MTA3: variants seen among roughly 807,000 people sequenced by gnomAD.
MTA3 encodes metastasis-associated protein MTA3.
In MTA3, 34 loss-of-function variants were observed where a neutral mutation model predicts 83.5. The ratio of observed to expected loss-of-function variants is 0.41; its 90% confidence interval spans 0.31 to 0.54. The LOEUF is 0.54. Among genes scored for constraint, MTA3 ranks in the 20% least tolerant of loss-of-function variants. MTA3 has a pLI of 0.33. For synonymous variants in MTA3, 303 were observed against 252.7 expected (o/e 1.20, Z -1.89); for missense variants, 761 against 726.4 (o/e 1.05, Z -0.55).
At position 42,721,778 on chromosome 2, in the gene MTA3, G is replaced by C. The variant is rs760404333; in HGVS notation, c.1613-1111G>C. On this transcript the variant is annotated intron_variant, in intron 15 of 16. Transcript: ENST00000405094. ...CCTCATAAGGCCAAGACAACCAGATGAACAAAGGCTTCAGTGAGTCCAAGG... is the reference window on the plus strand; with the variant it reads ...CCTCATAAGGCCAAGACAACCAGATCAACAAAGGCTTCAGTGAGTCCAAGG... Among the ~76,000 whole-genome samples, 39 of 152,320 alleles carry C rather than the reference G, an allele frequency of 2.6e-4. No homozygotes were observed. The Middle Eastern group carries it at 0.027, about 106-fold the overall frequency.
chr2:42,580,959 G>T (rs1438077916), intron 3 of MTA3, among the ~76,000 whole-genome samples: 1 of 152,130 alleles, frequency 6.6e-6, no homozygotes, highest in Non-Finnish European at 1.5e-5. Flanking sequence ...TCTGGTATGG[G>T]TGTAAGGAAG....
intron 2 of MTA3, among the ~76,000 whole-genome samples, chr2:42,550,150 G>T (rs535981208): frequency 6.6e-6 from 1 of 152,196 alleles, no homozygotes; most frequent in Admixed American, 6.6e-5. Context: ...AGGTTGCTAA[G>T]ATCTACCATA....
intron 3 of MTA3, among the ~76,000 whole-genome samples, chr2:42,579,434 T>A (rs1027407966): frequency 7.4e-5 from 11 of 149,168 alleles, no homozygotes; most frequent in South Asian, 2.1e-4. Flanking sequence ...TATATATTTT[T>A]TTTTTTTTCC....
At chr2:42,706,900 T>C (rs920252057) in intron 12 of MTA3, among the ~76,000 whole-genome samples, 3 of 152,214 alleles carry the variant, frequency 2.0e-5, no homozygotes, top group Non-Finnish European at 1.5e-5. Flanking sequence ...ATTTTACTTA[T>C]TGATTAAAAT....
At chr2:42,656,328 G>C (rs745883561) in intron 7 of MTA3, 26 bp downstream of exon 7, 10 of 1,454,282 alleles carry the variant, frequency 6.9e-6, no homozygotes, top group Non-Finnish European at 9.5e-6. Flanking sequence ...GCATTATTGA[G>C]TCAATAAATT....
intron 2 of MTA3, among the ~76,000 whole-genome samples, chr2:42,548,816 T>TATATATA (rs1676887127): frequency 2.8e-5 from 1 of 35,156 alleles, no homozygotes; most frequent in Non-Finnish European, 4.8e-5. Context: ...AAAAAATATA[T>TATATATA]ATATATATAT....
At chr2:42,691,223 G>A (rs1443391601) in intron 9 of MTA3, among the ~76,000 whole-genome samples, 1 of 151,834 alleles carries the variant, frequency 6.6e-6, no homozygotes, top group Non-Finnish European at 1.5e-5. Context: ...TGTTGGCCAG[G>A]ATGGGCTCAA....
chr2:42,590,634 T>TTTTTTTTTTTTTTTTTG lies in MTA3; in HGVS notation c.190+11434_190+11435insTTTTTTTTTTTTTTTTG, dbSNP rs1553351759. 1.2e-4 allele frequency among the ~76,000 whole-genome samples: 2 copies of TTTTTTTTTTTTTTTTTG among 16,616 alleles called. 1 individual carries two copies. Among genetic ancestry groups the TTTTTTTTTTTTTTTTTG allele is most frequent in the Non-Finnish European group, 2.7e-4 (2 of 7,530 alleles). The allele number at this position is 16,616 out of a possible 152,430, so 10.9% of individuals were successfully genotyped here. On this transcript the variant is annotated intron_variant, in intron 3 of 16. Coordinates refer to ENST00000405094, the MANE Select transcript of MTA3 (RefSeq NM_001330442.2). ...TTTGCTTTTTTTTTTTTTTTTTTTGTGAGGTGGAGTCTCGCTCGCTCTGTC... is the reference window on the plus strand; with the variant it reads ...TTTGCTTTTTTTTTTTTTTTTTTTGTTTTTTTTTTTTTTTTTGGAGGTGGAGTCTCGCTCGCTCTGTC...
chr2:42,680,805 G>A (rs1167188074), intron 8 of MTA3, among the ~76,000 whole-genome samples: 1 of 152,142 alleles, frequency 6.6e-6, no homozygotes, highest in East Asian at 1.9e-4. Context: ...AGGCTGGGGT[G>A]CAGTGGCATG....
At chr2:42,651,206 G>A (rs992927055) in intron 6 of MTA3, among the ~76,000 whole-genome samples, 7 of 152,340 alleles carry the variant, frequency 4.6e-5, no homozygotes, top group African/African-American at 1.7e-4. Flanking sequence ...GGCACTTACT[G>A]TGAATGGAGC....
At chr2:42,675,575 C>CAGTA in intron 8 of MTA3, among the ~76,000 whole-genome samples, 1 of 152,212 alleles carries the variant, frequency 6.6e-6, no homozygotes, top group East Asian at 1.9e-4. Flanking sequence ...AGAACATTAC[C>CAGTA]AGTATCTCAA....
At chr2:42,668,429 T>C (rs1690493786) in intron 8 of MTA3, among the ~76,000 whole-genome samples, 1 of 152,208 alleles carries the variant, frequency 6.6e-6, no homozygotes, top group Admixed American at 6.5e-5. Flanking sequence ...ACAAGACCCC[T>C]GCGACCTTCC....
chr2:42,527,558 T>A (rs1321682497), intron 2 of MTA3, among the ~76,000 whole-genome samples: 1 of 152,112 alleles, frequency 6.6e-6, no homozygotes, highest in Non-Finnish European at 1.5e-5. Flanking sequence ...TGGAGGGAGA[T>A]GATAACTTTA....
chr2:42,735,678 CTG>C (rs1668557211), intron 16 of MTA3, among the ~76,000 whole-genome samples: 1 of 152,138 alleles, frequency 6.6e-6, no homozygotes, highest in Non-Finnish European at 1.5e-5. Flanking sequence ...TCTCCTCTGA[CTG>C]TGTATTTCAA....
At chr2:42,646,542 C>T (rs1688204135) in intron 6 of MTA3, among the ~76,000 whole-genome samples, 1 of 152,170 alleles carries the variant, frequency 6.6e-6, no homozygotes, top group Middle Eastern at 3.2e-3. Context: ...GATTCCAACA[C>T]TCGTGGATAA....
At chr2:42,671,253 C>T (rs1380211177) in intron 8 of MTA3, among the ~76,000 whole-genome samples, 1 of 151,860 alleles carries the variant, frequency 6.6e-6, no homozygotes, top group Non-Finnish European at 1.5e-5. Context: ...TATATATTTC[C>T]CCCTAAAATT....
chr2:42,737,563 C>G (rs1668703368), intron 16 of MTA3, among the ~76,000 whole-genome samples: 1 of 152,122 alleles, frequency 6.6e-6, no homozygotes, highest in Admixed American at 6.5e-5. Context: ...TTTTGTGTAG[C>G]TAGTTCTTCA....
At chr2:42,546,377 G>C (rs1371831681) in intron 2 of MTA3, among the ~76,000 whole-genome samples, 1 of 152,116 alleles carries the variant, frequency 6.6e-6, no homozygotes, top group Non-Finnish European at 1.5e-5. Context: ...GGATGTCCTT[G>C]TCTGCTCTAC....
intron 2 of MTA3, among the ~76,000 whole-genome samples, chr2:42,548,831 T>TATATATATATATATAATATATATATATA (rs1184930540): frequency 5.9e-4 from 5 of 8,524 alleles, no homozygotes; most frequent in African/African-American, 7.9e-4. Context: ...ATATATATAA[T>TATATATATATATATAATATATATATATA]ATATATATAT....
Sources: allele counts gnomAD v4.1 joint callset (sites outside exome capture counted in the v4.1 genomes callset), GRCh38; gene constraint gnomAD v4.1.1; transcripts MANE v1.5; gene names NCBI Gene and HGNC (gene_info 2026-07-23, HGNC 2026-07-21).